The following GYS2 variants were observed in gnomAD, a reference collection of about 807,000 sequenced individuals.
GYS2 encodes glycogen synthase 2.
In GYS2, 80 loss-of-function variants were observed where a neutral mutation model predicts 85.6. That is an observed-to-expected ratio of 0.93 (90% CI 0.78 to 1.13). The LOEUF (loss-of-function observed/expected upper bound fraction) is 1.13. Ranked by LOEUF, GYS2 falls within the 50% of genes most tolerant of loss-of-function variation. The pLI is 0.00. For synonymous variants in GYS2, 328 were observed against 300.7 expected (o/e 1.09, Z -0.94); for missense variants, 881 against 854.9 (o/e 1.03, Z -0.38).
chr12:21,590,376 C>T (rs190998979), intron 1 of GYS2, among the ~76,000 whole-genome samples: 1 of 152,324 alleles, frequency 6.6e-6, no homozygotes, highest in East Asian at 1.9e-4. Flanking sequence ...TGCCATCCAC[C>T]ATGACTGGTA....
intron 1 of GYS2, among the ~76,000 whole-genome samples, chr12:21,585,459 T>C (rs1944561622): frequency 6.6e-6 from 1 of 151,280 alleles, no homozygotes; most frequent in Non-Finnish European, 1.5e-5. Context: ...TCCATTAGGG[T>C]GTCTCTTAGT....
chr12:21,603,622 A>T lies in GYS2; in HGVS notation c.121+850T>A, dbSNP rs153946. 2.8e-3 allele frequency among the ~76,000 whole-genome samples: 423 copies of T among 152,248 alleles called. 3 individuals are homozygous for T. The highest frequency in any genetic ancestry group is 9.3e-3 in the African/African-American group (385 of 41,564). On this transcript the variant is annotated intron_variant, in intron 1 of 15. Transcript: ENST00000261195. ...TCAGATCGTTTAAATCACACAAGTC[A>T]TCACTGCCATTTACCCAGCAATCAG...
chr12:21,590,095 C>G (rs1944618027), intron 1 of GYS2, among the ~76,000 whole-genome samples: 1 of 152,172 alleles, frequency 6.6e-6, no homozygotes, highest in South Asian at 2.1e-4. Context: ...CAGCCACCAT[C>G]TGGGGCTGAA....
chr12:21,548,618 T>C (rs1484820050), intron 11 of GYS2, among the ~76,000 whole-genome samples: 2 of 152,162 alleles, frequency 1.3e-5, no homozygotes, highest in African/African-American at 2.4e-5. Flanking sequence ...CTGGCTCTTG[T>C]GCACTTGTAT....
chr12:21,560,520 C>A, intron 7 of GYS2, 28 bp from the exon 8 acceptor site: 1 of 1,043,432 alleles, frequency 9.6e-7, no homozygotes, highest in South Asian at 1.3e-5. Flanking sequence ...AACACAGAGT[C>A]AACTATCAAA....
chr12:21,582,073 T>C (rs1386104842), intron 1 of GYS2, among the ~76,000 whole-genome samples: 8 of 145,266 alleles, frequency 5.5e-5, no homozygotes, highest in East Asian at 4.0e-4. Flanking sequence ...ACCTACAGAA[T>C]GAGAAAAAAA....
chr12:21,549,028 G>GA (rs1397170353), intron 11 of GYS2, among the ~76,000 whole-genome samples: 17 of 148,656 alleles, frequency 1.1e-4, no homozygotes, highest in African/African-American at 4.1e-4. Context: ...GAAAGTAATG[G>GA]AAAAATATTA....
intron 12 of GYS2, 83 bp from the exon 13 acceptor site, chr12:21,542,674 TCCTCCTAA>T (rs1171959102): frequency 1.1e-5 from 9 of 825,494 alleles, no homozygotes; most frequent in Non-Finnish European, 1.9e-5. Context: ...AAGGCCCTAG[TCCTCCTAA>T]GAATAGCAAT....
At chr12:21,550,420 T>C (rs1415350443) in intron 11 of GYS2, among the ~76,000 whole-genome samples, 1 of 152,096 alleles carries the variant, frequency 6.6e-6, no homozygotes, top group Admixed American at 6.5e-5. Context: ...CTAATCTTTC[T>C]CCATACACTC....
At chr12:21,569,374 T>G (rs752948170) in intron 4 of GYS2, among the ~76,000 whole-genome samples, 7 of 152,198 alleles carry the variant, frequency 4.6e-5, no homozygotes, top group Non-Finnish European at 7.3e-5. Flanking sequence ...TTATATATTT[T>G]CCCATAAACA....
At chr12:21,540,614 TAACCTTA>T (rs762095391) in intron 13 of GYS2, 41 bp from the exon 14 acceptor site, 180 of 1,556,592 alleles carry the variant, frequency 1.2e-4, no homozygotes, top group Middle Eastern at 8.4e-4. Flanking sequence ...AAAGTAGGAC[TAACCTTA>T]AACATTTGTT....
chr12:21,560,605 A>T, intron 7 of GYS2, 113 bp from the exon 8 acceptor site: 1 of 701,750 alleles, frequency 1.4e-6, no homozygotes. Flanking sequence ...GATAAAAGGT[A>T]TAGTTATTTA....
At chr12:21,560,142 A>G (rs527410759) in intron 8 of GYS2, among the ~76,000 whole-genome samples, 1 of 152,336 alleles carries the variant, frequency 6.6e-6, no homozygotes, top group South Asian at 2.1e-4. Flanking sequence ...ACTCATCTTT[A>G]AAGATTTCTA....
At chr12:21,576,928 T>C (rs1023726009) in intron 2 of GYS2, among the ~76,000 whole-genome samples, 2 of 152,116 alleles carry the variant, frequency 1.3e-5, no homozygotes, top group Admixed American at 6.6e-5. Flanking sequence ...AGGCTACGAG[T>C]CTTTCTCAAT....
At chr12:21,558,688 C>A (rs891086137) in intron 10 of GYS2, among the ~76,000 whole-genome samples, 1 of 152,178 alleles carries the variant, frequency 6.6e-6, no homozygotes, top group South Asian at 2.1e-4. Context: ...TTATAACAAG[C>A]ATTCTGATGC....
chr12:21,541,721 A>C (rs919722340), intron 13 of GYS2, among the ~76,000 whole-genome samples: 4 of 152,000 alleles, frequency 2.6e-5, no homozygotes, highest in African/African-American at 7.3e-5. Flanking sequence ...CTTTTAGTTT[A>C]GGTTCAGGGG....
At position 21,560,410 on chromosome 12, in the gene GYS2, C is replaced by A; in HGVS notation, c.1145G>T (p.Gly382Val). 1 of 1,603,152 alleles carries A rather than the reference C, an allele frequency of 6.2e-7. No homozygotes were observed. Residue 382 changes from glycine to valine, a missense_variant, in exon 8 of 16, where the codon GGA becomes GTA. By Grantham distance (109) the Gly-to-Val change is moderately radical. Transcript: ENST00000261195. ...CCACAGCTGTTTTCGCACTGCTTGT[C>A]CTTTCAGGGTTTCCACGTTGAAATT... ...TNNFNVETLKGQAVRKQLWDV... is the reference protein window; with the variant it reads ...TNNFNVETLKVQAVRKQLWDV...
chr12:21,553,893 A>G (rs958184255), intron 11 of GYS2, among the ~76,000 whole-genome samples: 2 of 152,194 alleles, frequency 1.3e-5, no homozygotes, highest in Admixed American at 1.3e-4. Context: ...AGATTACACT[A>G]TCGAAAACTA....
At chr12:21,564,178 TA>T (rs920236678) in intron 5 of GYS2, among the ~76,000 whole-genome samples, 57 of 151,274 alleles carry the variant, frequency 3.8e-4, no homozygotes, top group South Asian at 1.9e-3. Flanking sequence ...GAAGCTATGT[TA>T]AAAAAAAATG....
Sources: gnomAD v4.1 joint callset for allele counts (sites outside exome capture counted in the v4.1 genomes callset) on GRCh38, gnomAD v4.1.1 for gene constraint, MANE v1.5 for transcripts, NCBI Gene and HGNC (gene_info 2026-07-23, HGNC 2026-07-21) for gene names.